Variants in HS1BP3 observed in about 807,000 individuals in gnomAD.
The protein encoded by HS1BP3 is HCLS1 binding protein 3.
A neutral mutation model predicts 33.5 loss-of-function variants in HS1BP3; 32 were observed. The ratio of observed to expected loss-of-function variants is 0.95; its 90% CI spans 0.72 to 1.28. The LOEUF is 1.28. Among genes scored for constraint, HS1BP3 ranks in the 50% most tolerant of loss-of-function variants. HS1BP3 has a pLI of 0.00. For synonymous variants in HS1BP3, 187 were observed against 209.2 expected (o/e 0.89, Z 0.92); for missense variants, 486 against 502.3 (o/e 0.97, Z 0.31).
Position 20,642,862 on chromosome 2 carries a change from C to T in HS1BP3, c.199-1682G>A, listed in dbSNP as rs370543356. ...CCCGTGTGCCAGGCACTGCTGAGCACGGGGCAGACAGCCCTGTAACGTTAG... is the reference window on the plus strand; with the variant it reads ...CCCGTGTGCCAGGCACTGCTGAGCATGGGGCAGACAGCCCTGTAACGTTAG... On this transcript the variant is annotated intron_variant, in intron 2 of 6. Coordinates refer to ENST00000304031, the MANE Select transcript of HS1BP3 (RefSeq NM_022460.4). 3.2e-4 allele frequency among the ~76,000 whole-genome samples: 49 copies of T among 152,340 alleles called. 1 individual carries two copies. The South Asian group carries it at 8.1e-3, about 25-fold the overall frequency.
intron 5 of HS1BP3, among the ~76,000 whole-genome samples, chr2:20,562,613 CCAGT>C (rs1035611325): frequency 3.3e-5 from 5 of 152,202 alleles, no homozygotes; most frequent in African/African-American, 1.2e-4. Context: ...TGATTTACAG[CCAGT>C]CAATCAGAAG....
intron 1 of HS1BP3, among the ~76,000 whole-genome samples, chr2:20,646,859 C>A (rs754328381): frequency 6.6e-6 from 1 of 152,196 alleles, no homozygotes; most frequent in African/African-American, 2.4e-5. Flanking sequence ...TGCAACCCTG[C>A]GAAGGAGCTC....
In HS1BP3 at chr2:20,638,671, A is replaced by G. The variant is rs1695243420; in HGVS notation, c.407-19T>C. The G allele has an allele frequency of 1.2e-6, 2 of 1,600,548 alleles. No individual in the cohort carries two copies. Among genetic ancestry groups the G allele is most frequent in the African/African-American group, 2.7e-5 (2 of 74,540 alleles). On this transcript the variant is annotated intron_variant, in intron 3 of 6. Coordinates refer to ENST00000304031, the MANE Select transcript of HS1BP3 (RefSeq NM_022460.4). ...CTGGTACCTGTGGAGGAAGACAGAA[A>G]AGAATGGACTTGGTAACCACCCCAG...
At chr2:20,563,404 C>T (rs1042947743) in intron 5 of HS1BP3, among the ~76,000 whole-genome samples, 6 of 152,236 alleles carry the variant, frequency 3.9e-5, no homozygotes, top group African/African-American at 1.4e-4. Flanking sequence ...GGAGGGACTC[C>T]TCAGGTTAGA....
At chr2:20,650,918 T>C in intron 1 of HS1BP3, 114 bp downstream of exon 1, 1 of 941,374 alleles carries the variant, frequency 1.1e-6, no homozygotes, top group Non-Finnish European at 1.4e-6. Context: ...CCGAGGGCGC[T>C]GGGGAGACCT....
At chr2:20,567,138 G>C (rs914811563) in intron 5 of HS1BP3, among the ~76,000 whole-genome samples, 8 of 151,526 alleles carry the variant, frequency 5.3e-5, no homozygotes, top group Non-Finnish European at 1.0e-4. Flanking sequence ...TTACTAGTTC[G>C]TTTTACAGAC....
At chr2:20,569,707 G>A (rs571970459) in intron 5 of HS1BP3, among the ~76,000 whole-genome samples, 2 of 152,334 alleles carry the variant, frequency 1.3e-5, no homozygotes, top group East Asian at 1.9e-4. Context: ...ATTGATCCCA[G>A]TGAGTCTCCC....
In HS1BP3 at chr2:20,632,303, C is replaced by T. The variant is rs1050782638; in HGVS notation, c.623+6133G>A. On this transcript the variant is annotated intron_variant, in intron 4 of 6. Coordinates refer to ENST00000304031, the MANE Select transcript of HS1BP3 (RefSeq NM_022460.4). ...ACCATTGCTGGTTCTCACATGGGCG[C>T]TCCTATGCCCCTGATCCACTCCAAA... Among the ~76,000 whole-genome samples the T allele has an allele frequency of 8.5e-5, 13 of 152,362 alleles. No homozygotes were observed. In the East Asian group the frequency reaches 1.7e-3, roughly 20 times the overall value.
chr2:20,617,540 C>A (rs1049070606), downstream of HS1BP3, among the ~76,000 whole-genome samples: 1 of 152,158 alleles, frequency 6.6e-6, no homozygotes, highest in Non-Finnish European at 1.5e-5. Context: ...CAGGACAGAG[C>A]AGACAGGTCC....
At chr2:20,572,141 C>T (rs1299547611) in intron 5 of HS1BP3, among the ~76,000 whole-genome samples, 1 of 152,214 alleles carries the variant, frequency 6.6e-6, no homozygotes, top group Non-Finnish European at 1.5e-5. Flanking sequence ...GAAGTCTTTC[C>T]TTGAAGGGGC....
At chr2:20,646,667 G>A (rs1343250849) in intron 1 of HS1BP3, among the ~76,000 whole-genome samples, 1 of 152,272 alleles carries the variant, frequency 6.6e-6, no homozygotes, top group East Asian at 1.9e-4. Flanking sequence ...ATGGGCACTG[G>A]GAGGTGCACA....
intron 5 of HS1BP3, chr2:20,560,528 C>G (rs1391571860): frequency 2.0e-5 from 3 of 152,306 alleles, no homozygotes; most frequent in African/African-American, 7.2e-5. Flanking sequence ...GCAGGAATAA[C>G]AAGAACAGAT....
intron 2 of HS1BP3, among the ~76,000 whole-genome samples, chr2:20,642,251 G>A (rs955009014): frequency 3.3e-5 from 5 of 152,188 alleles, no homozygotes; most frequent in African/African-American, 9.6e-5. Context: ...TGACGCCCTC[G>A]GGCTCGGGGA....
intron 4 of HS1BP3, among the ~76,000 whole-genome samples, chr2:20,632,689 C>T (rs375044524): frequency 8.5e-4 from 129 of 152,296 alleles, no homozygotes; most frequent in African/African-American, 2.9e-3. Context: ...GCAAGTGTGA[C>T]CTCCCAGATT....
chr2:20,638,705 G>GTGC, intron 3 of HS1BP3, 53 bp from the exon 4 acceptor site: 1 of 1,432,150 alleles, frequency 7.0e-7, no homozygotes, highest in Non-Finnish European at 9.7e-7. Context: ...AGAGCCAGGG[G>GTGC]AGGCATCTTG....
At chr2:20,567,975 G>A (rs180891690) in intron 5 of HS1BP3, among the ~76,000 whole-genome samples, 3 of 152,282 alleles carry the variant, frequency 2.0e-5, no homozygotes, top group Admixed American at 6.5e-5. Flanking sequence ...AGTCCCCTAG[G>A]AGGGCAGCTC....
chr2:20,608,734 C>T (rs960671547), intron 2 of HS1BP3, among the ~76,000 whole-genome samples: 2 of 152,202 alleles, frequency 1.3e-5, no homozygotes, highest in Admixed American at 1.3e-4. Flanking sequence ...CTTGCTCACT[C>T]TGCTGCCCCA....
chr2:20,577,459 G>A lies in HS1BP3; in HGVS notation c.303-16944C>T, dbSNP rs573590287. 4.6e-5 allele frequency among the ~76,000 whole-genome samples: 7 copies of A among 152,244 alleles called. No individual in the cohort carries two copies. The East Asian group carries it at 7.7e-4, about 17-fold the overall frequency. ...GGGCTTCCTTTGAAACAAGTGCAGCGATCTCCCAGAGAGAAGTTCTAGACC... is the reference window on the plus strand; with the variant it reads ...GGGCTTCCTTTGAAACAAGTGCAGCAATCTCCCAGAGAGAAGTTCTAGACC... On this transcript the variant is annotated intron_variant, in intron 5 of 5. Transcript: ENST00000446825.
intron 4 of HS1BP3, 31 bp from the exon 5 acceptor site, chr2:20,624,923 G>C: frequency 8.7e-6 from 14 of 1,612,788 alleles, no homozygotes; most frequent in Non-Finnish European, 1.2e-5. Context: ...CACAAGGTGA[G>C]GATTTCCCAC....
Sources: gnomAD v4.1 joint callset for allele counts (sites outside exome capture counted in the v4.1 genomes callset) on GRCh38, gnomAD v4.1.1 for gene constraint, MANE v1.5 for transcripts, NCBI Gene and HGNC (gene_info 2026-07-23, HGNC 2026-07-21) for gene names.